MAP3K11: variants seen among roughly 807,000 people sequenced by gnomAD.
The protein encoded by MAP3K11 is SH3 domain-containing proline-rich kinase.
Under a neutral mutation model 84.9 loss-of-function variants are expected in MAP3K11, and 46 were observed. That is an observed-to-expected ratio of 0.54 (90% CI 0.43 to 0.69). The LOEUF (loss-of-function observed/expected upper bound fraction) is 0.69. Ranked by LOEUF, MAP3K11 falls within the 30% of genes least tolerant of loss-of-function variation. The pLI is 0.00. For missense variants in MAP3K11, 1,053 were observed against 1,198.3 expected (o/e 0.88, Z 1.79); for synonymous variants, 527 against 514.7 (o/e 1.02, Z -0.32).
At chr11:65,606,954 G>A (rs1854515594) in intron 5 of MAP3K11, 150 bp from the exon 6 acceptor site, 1 of 600,578 alleles carries the variant, frequency 1.7e-6, no homozygotes, top group Non-Finnish European at 2.9e-6. Context: ...GCTTTCTTGA[G>A]CCCCTGGGTC....
intron 1 of MAP3K11, chr11:65,609,933 CA>C (rs1228737119): frequency 6.6e-6 from 1 of 152,410 alleles, no homozygotes; most frequent in African/African-American, 2.4e-5. Flanking sequence ...GCACTGCTGC[CA>C]GCTGTCCCCG....
chr11:65,607,109 A>G, intron 5 of MAP3K11, 161 bp downstream of exon 5: 6 of 1,033,232 alleles, frequency 5.8e-6, no homozygotes, highest in Non-Finnish European at 7.9e-6. Context: ...ACCCGCCCAC[A>G]GACAGAAAAA....
At position 65,614,076 on chromosome 11, in the gene MAP3K11, C is replaced by A; in HGVS notation, c.-320G>T. On this transcript the variant is annotated 5_prime_UTR_variant, in exon 1 of 10. Transcript: ENST00000309100. The stretch of plus-strand genomic sequence containing the variant: ...AGCAGTCCTGGGAGCCTGGCTCCGG[C>A]CCCCGCCAAGTGTAAGGTGGGGCCT... 1 of 314,008 alleles carries A rather than the reference C, an allele frequency of 3.2e-6. No individual in the cohort carries two copies. Among genetic ancestry groups the A allele is most frequent in the African/African-American group, 2.1e-5 (1 of 46,658 alleles). 19.5% of individuals were successfully genotyped at this position (314,008 alleles called of 1,614,324 possible). A position where few individuals can be genotyped will look rare whatever the true frequency, so the allele number is the denominator to read the frequency against.
rs531817175 is a variant in MAP3K11, at chr11:65,598,615, T to C, written c.2220A>G (p.Ser740=). The change falls in exon 10 of 10, where the codon TCA becomes TCG. Residue 740 remains serine, a synonymous_variant. Transcript: ENST00000309100. ...CAGAGCGTGATGTCCCCGGTGGGGG[T>C]GAGACAGTGCCTCCTGTGAGGATAT... The part of the protein sequence containing the change: ...REEEPRGGTV[S]PPPGTSRSAP... The C allele has an allele frequency of 5.9e-6, 9 of 1,527,250 alleles. No individual in the cohort carries two copies. The African/African-American group carries it at 1.2e-4, about 21-fold the overall frequency. The allele number at this position is 1,527,250 out of a possible 1,614,324, so 94.6% of individuals were successfully genotyped here.
At chr11:65,608,534 C>T (rs1437488885) in intron 1 of MAP3K11, 86 bp from the exon 2 acceptor site, 3 of 1,308,646 alleles carry the variant, frequency 2.3e-6, no homozygotes, top group Non-Finnish European at 3.3e-6. Flanking sequence ...ATCTGACGGA[C>T]ATCCTGGCTG....
chr11:65,605,674 G>A, intron 8 of MAP3K11, 87 bp downstream of exon 8: 1 of 939,262 alleles, frequency 1.1e-6, no homozygotes, highest in Non-Finnish European at 1.6e-6. Flanking sequence ...CAGGACTCCT[G>A]CTTTGCCTAC....
rs866150149 is a variant in MAP3K11, at chr11:65,608,240, G to A, written c.920+28C>T. On this transcript the variant is annotated intron_variant, in intron 2 of 9. Transcript: ENST00000309100. The stretch of plus-strand genomic sequence containing the variant: ...CTCTGCCCTCTGCAGCCCCGTAGCA[G>A]CCCGTCCAGCCCCACCAAGGGCCGC... 2.5e-6 allele frequency: 4 copies of A among 1,607,190 alleles called. No individual in the cohort carries two copies. In the Middle Eastern group the frequency reaches 6.8e-4, roughly 275 times the overall value.
chr11:65,609,796 G>C (rs1256360352), intron 1 of MAP3K11: 1 of 152,416 alleles, frequency 6.6e-6, no homozygotes, highest in Non-Finnish European at 1.5e-5. Context: ...ACCTAATACA[G>C]CCTGGTGAGT....
intron 8 of MAP3K11, among the ~76,000 whole-genome samples, chr11:65,600,063 C>T (rs1854439471): frequency 1.3e-5 from 2 of 152,210 alleles, no homozygotes. Context: ...AGGCTGGGGC[C>T]AGGTCACAGT....
Position 65,613,809 on chromosome 11 carries a change from TC to T in MAP3K11, c.-54del. 2 of 1,470,010 alleles carry T rather than the reference TC, an allele frequency of 1.4e-6. No individual in the cohort carries two copies. The highest frequency in any genetic ancestry group is 9.0e-7 in the Non-Finnish European group (1 of 1,114,568). 91.1% of individuals were successfully genotyped at this position (1,470,010 alleles called of 1,614,324 possible). A position where few individuals can be genotyped will look rare whatever the true frequency, so the allele number is the denominator to read the frequency against. ...GAGGACCTTCTCTGGGTGCCCGTGG[TC>T]CCCACCCCCGCTGGCTGCCAAGGCC... On this transcript the variant is annotated 5_prime_UTR_variant, in exon 1 of 10. Coordinates refer to ENST00000309100, the MANE Select transcript of MAP3K11 (RefSeq NM_002419.4).
intron 1 of MAP3K11, chr11:65,608,773 C>G (rs775350789): frequency 8.4e-6 from 2 of 238,400 alleles, no homozygotes; most frequent in South Asian, 1.2e-4. Context: ...TGTGCCACCA[C>G]GCCCGACTAA....
rs1178685232 is a variant in MAP3K11, at chr11:65,613,689, C to A, written c.68G>T (p.Gly23Val). 1.9e-6 allele frequency: 3 copies of A among 1,609,006 alleles called. No individual in the cohort carries two copies. Among genetic ancestry groups the A allele is most frequent in the South Asian group, 1.1e-5 (1 of 90,708 alleles). Residue 23 changes from glycine (G) to valine (V), a missense_variant, in exon 1 of 10, where the codon GGT (glycine) becomes GTT (valine). Transcript: ENST00000309100. Reference sequence around the variant, plus strand: ...CCGGCCTCCTCCACCGCCCCCACCACCCCCGCTGCCACTGCCATTCCATGA... The same window carrying A: ...CCGGCCTCCTCCACCGCCCCCACCAACCCCGCTGCCACTGCCATTCCATGA... ...LGSWNGSGSG[G>V]GGGGGGGRPE...
In MAP3K11 at chr11:65,598,368, C is replaced by A. The variant is rs1168871573; in HGVS notation, c.2467G>T (p.Gly823Trp). 1.0e-5 allele frequency: 16 copies of A among 1,546,850 alleles called. No individual in the cohort carries two copies. Among genetic ancestry groups the A allele is most frequent in the Non-Finnish European group, 1.0e-5 (12 of 1,144,252 alleles). ...WDSPPANPFQ[G>W]GPQDCRAQTK... ...TGTGCCCTGCAGTCCTGGGGGCCCC[C>A]CTGGAAGGGGTTGGCAGGTGGGGAG... Residue 823 changes from glycine (G) to tryptophan (W), a missense_variant, in exon 10 of 10, where the codon GGG becomes TGG. Around this residue, in one of 3 missense-constraint regions of MAP3K11, gnomAD observed 583 missense variants for 566.6 expected, o/e 1.03. Transcript: ENST00000309100.
intron 8 of MAP3K11, among the ~76,000 whole-genome samples, chr11:65,604,464 G>C (rs1177486972): frequency 6.6e-6 from 1 of 152,252 alleles, no homozygotes; most frequent in African/African-American, 2.4e-5. Flanking sequence ...GCAGCTGCTG[G>C]AGTAGCAAAT....
Position 65,599,389 on chromosome 11 carries a change from C to T in MAP3K11, c.2206+5G>A, listed in dbSNP as rs776805949. On this transcript the variant is annotated splice_donor_5th_base_variant and intron_variant, in intron 9 of 9. Transcript: ENST00000309100. ...TGTGAAGCAGGCCGGCTTCAGGCCA[C>T]TCACCGCGGGGCTCCTCCTCACGTC... 6.5e-7 allele frequency: 1 copy of T among 1,536,764 alleles called. No homozygotes were observed. The highest frequency in any genetic ancestry group is 8.7e-7 in the Non-Finnish European group (1 of 1,151,614).
At position 65,606,070 on chromosome 11, in the gene MAP3K11, C is replaced by G. The variant is rs778801240; in HGVS notation, c.1615G>C (p.Glu539Gln). Residue 539 changes from glutamate to glutamine, a missense_variant, in exon 7 of 10, where the codon GAG (glutamate) becomes CAG (glutamine). Physicochemically the swap from Glu to Gln is conservative, Grantham distance 29. This residue lies in a region of MAP3K11 where 583 missense variants were observed against 566.6 expected (regional missense o/e 1.03). Transcript: ENST00000309100. ...RFRAIQLEPA[E>Q]PGQAWGRQSP... The stretch of plus-strand genomic sequence containing the variant: ...TGGCGGCCCCATGCCTGGCCTGGCT[C>G]TGCAGGCTCCACTGCAGGGGAAACC... 6.3e-7 allele frequency: 1 copy of G among 1,576,924 alleles called. No individual in the cohort carries two copies. Among genetic ancestry groups the G allele is most frequent in the East Asian group, 2.3e-5 (1 of 44,248 alleles).
At chr11:65,608,113 A>G (rs751742517) in intron 2 of MAP3K11, 43 bp from the exon 3 acceptor site, 2 of 1,602,796 alleles carry the variant, frequency 1.2e-6, no homozygotes, top group East Asian at 2.2e-5. Flanking sequence ...TTCTCTCCCA[A>G]CCCCCACCCC....
chr11:65,607,479 G>A lies in MAP3K11; in HGVS notation c.1280C>T (p.Ala427Val). 3 of 1,567,710 alleles carry A rather than the reference G, an allele frequency of 1.9e-6. No individual in the cohort carries two copies. Among genetic ancestry groups the A allele is most frequent in the Admixed American group, 3.7e-5 (2 of 54,118 alleles). ...CGCCTGTGACCGCTGCTCGCGCGCC[G>A]CTCGCGTCAGCTCCTCCTCGCGGCT... ...LLSREEELTR[A>V]AREQRSQAEQ... The change falls in exon 5 of 10, where the codon GCG becomes GTG. Residue 427 changes from alanine to valine, a missense_variant. By Grantham distance (64) the Ala-to-Val change is moderately conservative. Transcript: ENST00000309100.
chr11:65,604,451 AG>A (rs1455045768), intron 8 of MAP3K11, among the ~76,000 whole-genome samples: 1 of 152,254 alleles, frequency 6.6e-6, no homozygotes, highest in Non-Finnish European at 1.5e-5. Flanking sequence ...TGCTGGGGGC[AG>A]TGCAGCTGCT....
Sources: gnomAD v4.1 joint callset for allele counts (sites outside exome capture counted in the v4.1 genomes callset) on GRCh38, gnomAD v4.1.1 for gene constraint, gnomAD v4.1.1 regional missense constraint, MANE v1.5 for transcripts, NCBI Gene and HGNC (gene_info 2026-07-23, HGNC 2026-07-21) for gene names.